The following KATNAL2 variants were observed in gnomAD, a reference collection of about 807,000 sequenced individuals.
KATNAL2 encodes the protein katanin p60 ATPase-containing subunit A-like 2.
A neutral mutation model predicts 76.3 loss-of-function variants in KATNAL2; 52 were observed. That is an observed-to-expected ratio of 0.68 (90% CI 0.55 to 0.86). The LOEUF (loss-of-function observed/expected upper bound fraction) is 0.86. KATNAL2 is among the 40% of genes least tolerant of loss of function. The pLI, the probability that KATNAL2 is intolerant of heterozygous loss-of-function variation, is 0.00. For missense variants in KATNAL2, 660 were observed against 668.9 expected, an observed-to-expected ratio of 0.99 and a Z score of 0.15; for synonymous variants, 243 against 244.2, an observed-to-expected ratio of 1.00 and a Z score of 0.05.
chr18:47,032,507 C>A, intron 3 of KATNAL2: 1 of 191,114 alleles, frequency 5.2e-6, no homozygotes, highest in Non-Finnish European at 1.1e-5. Flanking sequence ...CTCCACCTCC[C>A]AAAGGAGGAT....
intron 3 of KATNAL2, among the ~76,000 whole-genome samples, chr18:46,957,139 T>G (rs7227700): frequency 0.55 from 83,876 of 151,764 alleles, 23,707 homozygotes; most frequent in African/African-American, 0.66. Flanking sequence ...TTGACTGTGC[T>G]TTGGGGTGCC....
chr18:46,959,912 C>A (rs1342227208), intron 3 of KATNAL2, among the ~76,000 whole-genome samples: 2 of 152,170 alleles, frequency 1.3e-5, no homozygotes, highest in African/African-American at 2.4e-5. Flanking sequence ...TAAATTTCAC[C>A]ACCCAAATAC....
Position 47,102,210 on chromosome 18 carries a change from T to A in KATNAL2, c.*1205T>A, listed in dbSNP as rs989125380. Reference sequence around the variant, plus strand: ...ATGTCAAATTGAAAATATACCTTATTTAACAAATTGAAAATAAAAAAGATT... The same window carrying A: ...ATGTCAAATTGAAAATATACCTTATATAACAAATTGAAAATAAAAAAGATT... On this transcript the variant is annotated 3_prime_UTR_variant, in exon 18 of 18. Coordinates refer to ENST00000683218, the MANE Select transcript of KATNAL2 (RefSeq NM_001387690.1). 4 of 152,186 alleles carry A rather than the reference T, an allele frequency of 2.6e-5. No individual in the cohort carries two copies. In the East Asian group the frequency reaches 7.7e-4, roughly 29 times the overall value. 9.4% of individuals were successfully genotyped at this position (152,186 alleles called of 1,614,324 possible). A position where few individuals can be genotyped will look rare whatever the true frequency, so the allele number is the denominator to read the frequency against.
chr18:47,084,351 G>C, intron 15 of KATNAL2: 1 of 702,790 alleles, frequency 1.4e-6, no homozygotes, highest in Non-Finnish European at 2.6e-6. Context: ...GCATTTTTGG[G>C]CTCCAGGAAG....
Position 46,946,918 on chromosome 18 carries a change from G to GAAGCGGT in KATNAL2, c.50_51+5dup. ...CCTGAAATTCACGCATCAGGCGCGGGAAGCGGTAAGGAACGCATATATAAA... is the reference window on the plus strand; with the variant it reads ...CCTGAAATTCACGCATCAGGCGCGGGAAGCGGTAAGCGGTAAGGAACGCATATATAAA... On this transcript the variant is annotated frameshift_variant, in exon 3 of 18. Transcript: ENST00000683218. LOFTEE classifies it high-confidence loss of function. 1 of 1,529,958 alleles carries GAAGCGGT rather than the reference G, an allele frequency of 6.5e-7. No individual in the cohort carries two copies. The highest frequency in any genetic ancestry group is 1.2e-5 in the South Asian group (1 of 83,966). 94.8% of individuals were successfully genotyped at this position (1,529,958 alleles called of 1,614,324 possible). A position where few individuals can be genotyped will look rare whatever the true frequency, so the allele number is the denominator to read the frequency against.
At chr18:47,086,969 A>G (rs981345828) in intron 15 of KATNAL2, among the ~76,000 whole-genome samples, 55 of 152,190 alleles carry the variant, frequency 3.6e-4, no homozygotes, top group African/African-American at 1.3e-3. Context: ...CGAATCATAC[A>G]TTTCAAACCA....
At chr18:46,920,990 G>A (rs1020220947) in intron 1 of KATNAL2, among the ~76,000 whole-genome samples, 1 of 152,182 alleles carries the variant, frequency 6.6e-6, no homozygotes. Context: ...ATGGTAAAAT[G>A]TTTTAGTGCT....
intron 6 of KATNAL2, among the ~76,000 whole-genome samples, chr18:47,056,993 GA>G (rs796209490): frequency 1.9e-4 from 28 of 148,246 alleles, no homozygotes; most frequent in East Asian, 9.8e-4. Flanking sequence ...TTTAAAGATA[GA>G]AAAAAAAAAC....
At chr18:47,099,664 G>A (rs1231853061) in intron 16 of KATNAL2, among the ~76,000 whole-genome samples, 1 of 152,186 alleles carries the variant, frequency 6.6e-6, no homozygotes, top group African/African-American at 2.4e-5. Flanking sequence ...TCCTGGCCCT[G>A]CTGCTTGTTA....
Position 47,034,058 on chromosome 18 carries a change from C to T in KATNAL2, c.52-12399C>T, listed in dbSNP as rs892586. The T allele has an allele frequency of 5.6e-6, 9 of 1,613,914 alleles. No homozygotes were observed. In the African/African-American group the frequency reaches 6.7e-5, roughly 12 times the overall value. ...TGTTTATCTCCAAGTGCAGTGGTGG[C>T]AGATTTTCCAGTCTTTTTCTTTTGC... On this transcript the variant is annotated intron_variant, in intron 3 of 17. Transcript: ENST00000683218.
chr18:47,050,715 A>G (rs1569081564), intron 4 of KATNAL2, among the ~76,000 whole-genome samples: 2 of 152,362 alleles, frequency 1.3e-5, no homozygotes, highest in Non-Finnish European at 2.9e-5. Flanking sequence ...ATGAGTGTCA[A>G]TAAAAGAGAT....
chr18:47,025,383 G>A (rs1428870045), intron 3 of KATNAL2, among the ~76,000 whole-genome samples: 1 of 146,848 alleles, frequency 6.8e-6, no homozygotes, highest in Non-Finnish European at 1.5e-5. Context: ...TCACCTTTCA[G>A]TCCAAATGAG....
At chr18:47,054,225 C>T (rs906041531) in intron 5 of KATNAL2, among the ~76,000 whole-genome samples, 171 bp from the exon 6 acceptor site, 4 of 152,194 alleles carry the variant, frequency 2.6e-5, no homozygotes, top group African/African-American at 9.6e-5. Flanking sequence ...TCTTTCTCTT[C>T]GCTGGTAATT....
At chr18:46,966,076 A>C (rs2060124996) in intron 3 of KATNAL2, among the ~76,000 whole-genome samples, 1 of 143,460 alleles carries the variant, frequency 7.0e-6, no homozygotes, top group Non-Finnish European at 1.5e-5. Context: ...AGAATCGGGG[A>C]ATGGGGATTC....
chr18:46,967,768 C>T, intron 3 of KATNAL2, among the ~76,000 whole-genome samples: 1 of 114,174 alleles, frequency 8.8e-6, no homozygotes, highest in Non-Finnish European at 2.0e-5. Context: ...TGATCGAGAA[C>T]CTAAAGAAGC....
intron 15 of KATNAL2, among the ~76,000 whole-genome samples, chr18:47,096,306 G>A (rs1036391315): frequency 4.6e-5 from 7 of 152,040 alleles, no homozygotes; most frequent in Admixed American, 1.3e-4. Flanking sequence ...AGAAATACCT[G>A]GTGATGACGT....
chr18:46,919,380 G>A (rs1485180825), intron 1 of KATNAL2, among the ~76,000 whole-genome samples: 6 of 151,954 alleles, frequency 3.9e-5, no homozygotes, highest in Non-Finnish European at 8.8e-5. Flanking sequence ...CAGCTACTCC[G>A]GAGACTAAGG....
chr18:47,101,037 C>T lies in KATNAL2; in HGVS notation c.*32C>T. 6.2e-7 allele frequency: 1 copy of T among 1,611,674 alleles called. No homozygotes were observed. The highest frequency in any genetic ancestry group is 1.7e-4 in the Middle Eastern group (1 of 6,044). On this transcript the variant is annotated 3_prime_UTR_variant, in exon 18 of 18. Coordinates refer to ENST00000683218, the MANE Select transcript of KATNAL2 (RefSeq NM_001387690.1). ...ATTTACCCTGACCTGGCCACAAAGG[C>T]AACCACAAAGACCTCCTAGTTTATT...
chr18:47,048,192 GA>G (rs1386967902), intron 4 of KATNAL2, among the ~76,000 whole-genome samples: 1 of 152,176 alleles, frequency 6.6e-6, no homozygotes, highest in Non-Finnish European at 1.5e-5. Context: ...TGCCAAGATG[GA>G]GAAATCTGGA....
Sources: allele counts gnomAD v4.1 joint callset (sites outside exome capture counted in the v4.1 genomes callset), GRCh38; gene constraint gnomAD v4.1.1; transcripts MANE v1.5; gene names NCBI Gene and HGNC (gene_info 2026-07-23, HGNC 2026-07-21).